Variants in KCNQ4 observed in about 807,000 individuals in gnomAD.
KCNQ4 encodes the protein potassium voltage-gated channel subfamily Q member 4, also known as potassium voltage-gated channel subfamily KQT member 4.
KCNQ4 carries 31 observed loss-of-function variants against 72.6 expected under a neutral mutation model. That is an observed-to-expected ratio of 0.43 (90% CI 0.32 to 0.58). KCNQ4 has a LOEUF of 0.58. Among genes scored for constraint, KCNQ4 ranks in the 20% least tolerant of loss-of-function variants. The probability of loss-of-function intolerance (pLI) is 0.08; values close to 1 mark genes in which losing one functional copy is unlikely to be tolerated. For synonymous variants in KCNQ4, 405 were observed against 403.7 expected (o/e 1.00, Z -0.04); for missense variants, 869 against 962.6 (o/e 0.90, Z 1.29).
At position 40,838,438 on chromosome 1, in the gene KCNQ4, ACCACAGC is replaced by A; in HGVS notation, c.2006_2012del (p.His669LeufsTer70). On this transcript the variant is annotated frameshift_variant, in exon 14 of 14. Transcript: ENST00000347132. LOFTEE classifies it high-confidence loss of function. ...TTCGACCCCGACATCACCTCCGACT[ACCACAGC>A]CCTGTGGACCACGAGGACATCTCCG... 1 of 1,614,030 alleles carries A rather than the reference ACCACAGC, an allele frequency of 6.2e-7. No homozygotes were observed. The highest frequency in any genetic ancestry group is 1.1e-5 in the South Asian group (1 of 91,076).
chr1:40,814,822 T>C (rs1259094190), intron 1 of KCNQ4, among the ~76,000 whole-genome samples: 2 of 152,230 alleles, frequency 1.3e-5, no homozygotes, highest in Non-Finnish European at 2.9e-5. Context: ...GGTACGTGTG[T>C]AAAAACCATC....
chr1:40,829,238 C>A (rs1396984738), intron 9 of KCNQ4, among the ~76,000 whole-genome samples: 1 of 152,204 alleles, frequency 6.6e-6, no homozygotes, highest in Non-Finnish European at 1.5e-5. Context: ...GTTGCACGGA[C>A]CGGGCAGGGT....
chr1:40,807,479 A>G (rs1043619377), intron 1 of KCNQ4, among the ~76,000 whole-genome samples: 1 of 152,026 alleles, frequency 6.6e-6, no homozygotes, highest in Non-Finnish European at 1.5e-5. Flanking sequence ...TCCCTTTGCC[A>G]TATTTAGAAT....
At position 40,788,953 on chromosome 1, in the gene KCNQ4, A is replaced by G. The variant is rs1570798293; in HGVS notation, c.314+4546A>G. On this transcript the variant is annotated intron_variant, in intron 1 of 13. Coordinates refer to ENST00000347132, the MANE Select transcript of KCNQ4 (RefSeq NM_004700.4). This position sits in a 1 kb window ranked among gnomAD's most constrained non-coding sequence, Gnocchi z 4.5. ...AGAGTTCTAGTTTACAGCTGCCCCT[A>G]CCTTTTCCCTGACTTCACAGACACT... 6.6e-6 allele frequency among the ~76,000 whole-genome samples: 1 copy of G among 152,108 alleles called. No homozygotes were observed. The highest frequency in any genetic ancestry group is 2.4e-5 in the African/African-American group (1 of 41,388).
At chr1:40,808,923 C>T (rs759523876) in intron 1 of KCNQ4, among the ~76,000 whole-genome samples, 3 of 152,176 alleles carry the variant, frequency 2.0e-5, no homozygotes, top group Non-Finnish European at 4.4e-5. Context: ...ATTGTTAAAC[C>T]TACACTTACT....
chr1:40,798,157 G>A (rs966009251), intron 1 of KCNQ4, among the ~76,000 whole-genome samples: 1 of 152,154 alleles, frequency 6.6e-6, no homozygotes, highest in Non-Finnish European at 1.5e-5. Context: ...TTCTGAGGGG[G>A]AAACAGGCTC....
intron 9 of KCNQ4, among the ~76,000 whole-genome samples, chr1:40,825,700 A>G (rs573048079): frequency 6.6e-6 from 1 of 152,172 alleles, no homozygotes; most frequent in Admixed American, 6.5e-5. Flanking sequence ...TCCCTACCAA[A>G]CATAGTTTCC....
intron 4 of KCNQ4, 50 bp downstream of exon 4, chr1:40,818,730 G>A (rs748429479): frequency 9.7e-6 from 15 of 1,545,642 alleles, no homozygotes; most frequent in Non-Finnish European, 1.3e-5. Flanking sequence ...TCTGGGGCAC[G>A]ACCAGAGCGG....
At chr1:40,824,354 C>T (rs1045634915) in intron 9 of KCNQ4, 96 bp downstream of exon 9, 10 of 1,365,976 alleles carry the variant, frequency 7.3e-6, no homozygotes, top group Middle Eastern at 1.8e-4. Flanking sequence ...TCAGCCACTT[C>T]GTGGGTGTCT....
chr1:40,825,647 C>G (rs907663836), intron 9 of KCNQ4, among the ~76,000 whole-genome samples: 25 of 151,976 alleles, frequency 1.6e-4, no homozygotes, highest in South Asian at 1.5e-3. Context: ...GAGTAGGGCC[C>G]CTCTCAGATT....
chr1:40,796,475 G>A (rs763992180), intron 1 of KCNQ4, among the ~76,000 whole-genome samples: 25 of 152,148 alleles, frequency 1.6e-4, no homozygotes, highest in Non-Finnish European at 3.2e-4. Context: ...AAGAGGTTAC[G>A]TGACTTGCCT....
At chr1:40,799,932 A>G (rs1647528094) in intron 1 of KCNQ4, among the ~76,000 whole-genome samples, 1 of 152,212 alleles carries the variant, frequency 6.6e-6, no homozygotes, top group Non-Finnish European at 1.5e-5. Flanking sequence ...AGATCAAAGT[A>G]GGGCTACTCT....
At chr1:40,827,526 C>T (rs1570842667) in intron 9 of KCNQ4, among the ~76,000 whole-genome samples, 1 of 152,300 alleles carries the variant, frequency 6.6e-6, no homozygotes, top group East Asian at 1.9e-4. Flanking sequence ...TCATGCAGAA[C>T]CTAAAAGCCC....
At position 40,794,538 on chromosome 1, in the gene KCNQ4, G is replaced by C. The variant is rs1406646663; in HGVS notation, c.314+10131G>C. On this transcript the variant is annotated intron_variant, in intron 1 of 13. Transcript: ENST00000347132. The surrounding 1 kb of genome is among the most constrained non-coding windows in gnomAD (Gnocchi z 4.2). ...CCATGTCGGCATCAGGGCCAAGCCC[G>C]AGCTCTAAATGGTTCTCAGCCTCGC... Among the ~76,000 whole-genome samples, 1 of 152,208 alleles carries C rather than the reference G, an allele frequency of 6.6e-6. No individual in the cohort carries two copies. Among genetic ancestry groups the C allele is most frequent in the African/African-American group, 2.4e-5 (1 of 41,452 alleles).
chr1:40,792,420 T>C (rs1400515187), intron 1 of KCNQ4, among the ~76,000 whole-genome samples: 1 of 152,162 alleles, frequency 6.6e-6, no homozygotes, highest in Non-Finnish European at 1.5e-5. Flanking sequence ...CCTCTCTCCA[T>C]ATATCCCTGC....
At chr1:40,819,142 G>T (rs1273934045) in intron 4 of KCNQ4, among the ~76,000 whole-genome samples, 3 of 136,958 alleles carry the variant, frequency 2.2e-5, no homozygotes, top group African/African-American at 7.9e-5. Flanking sequence ...GAGGGTGGGG[G>T]TGGGAATGGG....
Position 40,831,155 on chromosome 1 carries a change from A to G in KCNQ4, c.1364A>G (p.His455Arg), listed in dbSNP as rs746252542. 1.9e-6 allele frequency: 3 copies of G among 1,611,676 alleles called. No homozygotes were observed. Among genetic ancestry groups the G allele is most frequent in the Non-Finnish European group, 2.5e-6 (3 of 1,179,152 alleles). Residue 455 changes from histidine (H) to arginine (R), a missense_variant, in exon 10 of 14, where the codon CAT (histidine) becomes CGT (arginine). This residue lies in a region of KCNQ4 where 480 missense variants were observed against 501.9 expected (regional missense o/e 0.96). Coordinates refer to ENST00000347132, the MANE Select transcript of KCNQ4 (RefSeq NM_004700.4). ...SQRRTGPSKQHLAPPTMPTSP... is the reference protein window; with the variant it reads ...SQRRTGPSKQRLAPPTMPTSP... The stretch of plus-strand genomic sequence containing the variant: ...CGGCGGACGGGTCCTTCCAAGCAGC[A>G]TCTGGCACCTCCAACAATGCCCACC...
At chr1:40,837,893 G>A in intron 13 of KCNQ4, 99 bp downstream of exon 13, 1 of 1,503,346 alleles carries the variant, frequency 6.7e-7, no homozygotes, top group Non-Finnish European at 9.0e-7. Flanking sequence ...CAGCCCAAGG[G>A]TCCCCGAGAA....
intron 1 of KCNQ4, among the ~76,000 whole-genome samples, chr1:40,786,032 G>T (rs1380423878): frequency 6.6e-6 from 1 of 152,168 alleles, no homozygotes; most frequent in East Asian, 1.9e-4. Context: ...GGAGGCCTAG[G>T]ATGAATATTT....
Sources: allele counts gnomAD v4.1 joint callset (sites outside exome capture counted in the v4.1 genomes callset), GRCh38; gene constraint gnomAD v4.1.1; regional missense constraint gnomAD v4.1.1; non-coding constraint Gnocchi (gnomAD v3.1); transcripts MANE v1.5; gene names NCBI Gene and HGNC (gene_info 2026-07-23, HGNC 2026-07-21).